TAFA2: variants seen among roughly 807,000 people sequenced by gnomAD.
TAFA2 encodes chemokine-like protein TAFA-2.
TAFA2 carries 7 observed loss-of-function variants against 18.8 expected under a neutral mutation model. The observed-to-expected ratio is 0.37, with a 90% CI of 0.21 to 0.70. The LOEUF (loss-of-function observed/expected upper bound fraction) is 0.70, where lower values mean the gene tolerates loss of function less well. TAFA2 is among the 30% of genes least tolerant of loss of function. The pLI is 0.53. For missense variants in TAFA2, 122 were observed against 158.1 expected (o/e 0.77, Z 1.23); for synonymous variants, 60 against 54.2 (o/e 1.11, Z -0.47).
At chr12:62,219,434 TTTAAA>T in intron 1 of TAFA2, among the ~76,000 whole-genome samples, 1 of 152,160 alleles carries the variant, frequency 6.6e-6, no homozygotes, top group East Asian at 1.9e-4. Flanking sequence ...AACCCCAGAA[TTTAAA>T]TTAAATCTAC....
intron 1 of TAFA2, among the ~76,000 whole-genome samples, chr12:62,070,866 T>C (rs1305057384): frequency 6.6e-6 from 1 of 152,212 alleles, no homozygotes; most frequent in African/African-American, 2.4e-5. Flanking sequence ...CTTTTGGTTA[T>C]AAAACATGAA....
chr12:62,207,424 T>C lies in TAFA2; in HGVS notation c.-130+51339A>G, dbSNP rs569017594. 3.9e-5 allele frequency among the ~76,000 whole-genome samples: 6 copies of C among 152,214 alleles called. No homozygotes were observed. The South Asian group carries it at 1.2e-3, about 32-fold the overall frequency. ...AGTCCCAAGTGGTTTCTGGAAATCT[T>C]GAAAAATGCTGACATGGTCTGTAAA... On this transcript the variant is annotated intron_variant, in intron 1 of 5. Coordinates refer to the TAFA2 transcript ENST00000551619.
chr12:62,045,355 T>C (rs1358262338), intron 1 of TAFA2, among the ~76,000 whole-genome samples: 1 of 152,074 alleles, frequency 6.6e-6, no homozygotes, highest in Non-Finnish European at 1.5e-5. Flanking sequence ...ACTATATGCT[T>C]TTGGCTGGAA....
At chr12:61,923,865 C>G (rs762030611) in intron 1 of TAFA2, among the ~76,000 whole-genome samples, 1 of 151,744 alleles carries the variant, frequency 6.6e-6, no homozygotes, top group Non-Finnish European at 1.5e-5. Context: ...GAACTGCTAA[C>G]TAGAATAAGC....
chr12:61,937,134 A>G (rs1254073107), intron 1 of TAFA2, among the ~76,000 whole-genome samples: 1 of 152,188 alleles, frequency 6.6e-6, no homozygotes, highest in African/African-American at 2.4e-5. Context: ...GAACTAAAAA[A>G]CACTGCTGAA....
In TAFA2 at chr12:62,104,796, A is replaced by G. The variant is rs539944667; in HGVS notation, c.-2+86463T>C. On this transcript the variant is annotated intron_variant, in intron 1 of 4. Transcript: ENST00000416284. ...AGCTAACTGGCTTTCTCTAGGGGAG[A>G]GCAAACTTCTCATCTCTTTATGACA... 5.8e-5 allele frequency: 25 copies of G among 427,450 alleles called. No homozygotes were observed. The East Asian group carries it at 1.8e-3, about 31-fold the overall frequency. The allele number at this position is 427,450 out of a possible 1,614,324, so 26.5% of individuals were successfully genotyped here.
intron 1 of TAFA2, among the ~76,000 whole-genome samples, chr12:62,256,193 C>A (rs377067001): frequency 6.6e-6 from 1 of 151,298 alleles, no homozygotes; most frequent in African/African-American, 2.4e-5. Context: ...CGCTTGAACC[C>A]GGGAGGCAGA....
intron 1 of TAFA2, among the ~76,000 whole-genome samples, chr12:62,153,541 G>T (rs1048811188): frequency 1.3e-5 from 2 of 151,848 alleles, no homozygotes; most frequent in Admixed American, 6.6e-5. Flanking sequence ...GTGATAACGC[G>T]CAACTGTCAT....
intron 1 of TAFA2, among the ~76,000 whole-genome samples, chr12:62,058,291 TA>T (rs1882239737): frequency 1.3e-5 from 2 of 152,196 alleles, no homozygotes; most frequent in Non-Finnish European, 2.9e-5. Flanking sequence ...TTTCCTAACC[TA>T]AGGAGTAGAA....
intron 1 of TAFA2, among the ~76,000 whole-genome samples, chr12:62,097,239 G>C (rs1360861407): frequency 6.6e-6 from 1 of 152,132 alleles, no homozygotes; most frequent in Non-Finnish European, 1.5e-5. Flanking sequence ...AGAACTTGCA[G>C]TAATATAATA....
At chr12:62,215,628 CA>C (rs36005311) in intron 1 of TAFA2, among the ~76,000 whole-genome samples, 4,276 of 76,714 alleles carry the variant, frequency 0.056, 241 homozygotes, top group African/African-American at 0.18. Context: ...ACTCGTTTAT[CA>C]AAAAAAAAAA....
chr12:61,935,709 C>G (rs959693222), intron 1 of TAFA2, among the ~76,000 whole-genome samples: 1 of 151,960 alleles, frequency 6.6e-6, no homozygotes, highest in African/African-American at 2.4e-5. Flanking sequence ...TTTTAAACAT[C>G]TGAATTCTAA....
At position 61,955,662 on chromosome 12, in the gene TAFA2, TATA is replaced by T. The variant is rs1565695286; in HGVS notation, c.-1-88239_-1-88237del. On this transcript the variant is annotated intron_variant, in intron 1 of 4. Coordinates refer to ENST00000416284, the MANE Select transcript of TAFA2 (RefSeq NM_178539.5). ...ATATATATATATATATATATATATA[TATA>T]TATATTTAATTTTAAAAATTAAATC... Among the ~76,000 whole-genome samples, 79 of 107,258 alleles carry T rather than the reference TATA, an allele frequency of 7.4e-4. 2 individuals are homozygous for T. The highest frequency in any genetic ancestry group is 2.6e-3 in the African/African-American group (75 of 28,728). The allele number at this position is 107,258 out of a possible 152,430, so 70.4% of individuals were successfully genotyped here.
intron 4 of TAFA2, among the ~76,000 whole-genome samples, chr12:61,719,995 G>A (rs2120588597): frequency 6.6e-6 from 1 of 151,542 alleles, no homozygotes; most frequent in South Asian, 2.1e-4. Context: ...TGAAGGATAG[G>A]GCAACACAGA....
At chr12:62,177,366 G>A (rs945623551) in intron 1 of TAFA2, among the ~76,000 whole-genome samples, 5 of 152,238 alleles carry the variant, frequency 3.3e-5, no homozygotes, top group Non-Finnish European at 7.3e-5. Context: ...CCAAGTTGCT[G>A]CAAGCTGGGC....
At chr12:61,883,130 A>T (rs116347172) in intron 1 of TAFA2, among the ~76,000 whole-genome samples, 2,154 of 152,306 alleles carry the variant, frequency 0.014, 61 homozygotes, top group African/African-American at 0.049. Context: ...ATCTGATTAC[A>T]GTTGTAAATT....
chr12:62,228,106 T>A (rs1050428876), intron 1 of TAFA2, among the ~76,000 whole-genome samples: 12 of 151,942 alleles, frequency 7.9e-5, no homozygotes, highest in African/African-American at 2.7e-4. Context: ...ATAATTGTTT[T>A]AATTTTTAAT....
At chr12:62,127,171 G>A (rs895497851) in intron 1 of TAFA2, among the ~76,000 whole-genome samples, 1 of 151,940 alleles carries the variant, frequency 6.6e-6, no homozygotes, top group African/African-American at 2.4e-5. Context: ...TTGCCCTAAA[G>A]GTATGCTATC....
intron 1 of TAFA2, among the ~76,000 whole-genome samples, chr12:61,962,061 C>T (rs56119366): frequency 6.6e-6 from 1 of 151,928 alleles, no homozygotes; most frequent in Non-Finnish European, 1.5e-5. Context: ...ACTTTCACTA[C>T]GTATATTGAT....
Sources: allele counts gnomAD v4.1 joint callset (sites outside exome capture counted in the v4.1 genomes callset), GRCh38; gene constraint gnomAD v4.1.1; transcripts MANE v1.5; gene names NCBI Gene and HGNC (gene_info 2026-07-23, HGNC 2026-07-21).